DENND5B: variants seen among roughly 807,000 people sequenced by gnomAD.
DENND5B encodes the protein DENN domain containing 5B, also known as DENN domain-containing protein 5B.
Under a neutral mutation model 140.6 loss-of-function variants are expected in DENND5B, and 34 were observed. That is an observed-to-expected ratio of 0.24 (90% CI 0.18 to 0.32). DENND5B has a LOEUF of 0.32. Among genes scored for constraint, DENND5B ranks in the 10% least tolerant of loss-of-function variants. The probability of loss-of-function intolerance (pLI) is 1.00; values close to 1 mark genes in which losing one functional copy is unlikely to be tolerated. For synonymous variants in DENND5B, 551 were observed against 562.1 expected (o/e 0.98, Z 0.28); for missense variants, 1,142 against 1,560.2 (o/e 0.73, Z 4.52).
chr12:31,424,331 T>A (rs1044385944), intron 10 of DENND5B, among the ~76,000 whole-genome samples: 1 of 152,134 alleles, frequency 6.6e-6, no homozygotes, highest in Non-Finnish European at 1.5e-5. Context: ...TTTCATCCTT[T>A]CCCGCTTAGC....
At chr12:31,577,984 G>T (rs1487979967) in intron 1 of DENND5B, among the ~76,000 whole-genome samples, 1 of 151,810 alleles carries the variant, frequency 6.6e-6, no homozygotes, top group Non-Finnish European at 1.5e-5. Context: ...AATTAGCCAG[G>T]CGTGGTAGCA....
At chr12:31,528,970 GGC>G (rs1948182772) in intron 1 of DENND5B, among the ~76,000 whole-genome samples, 1 of 151,942 alleles carries the variant, frequency 6.6e-6, no homozygotes, top group African/African-American at 2.4e-5. Flanking sequence ...AGAGCAGCCT[GGC>G]CAACATGGTG....
chr12:31,483,671 C>G (rs1946168916), intron 2 of DENND5B, among the ~76,000 whole-genome samples: 1 of 151,918 alleles, frequency 6.6e-6, no homozygotes, highest in Non-Finnish European at 1.5e-5. Context: ...AACTCCTGAC[C>G]TCATGATCCG....
chr12:31,579,888 G>C (rs1950160757), intron 1 of DENND5B, among the ~76,000 whole-genome samples: 1 of 151,558 alleles, frequency 6.6e-6, no homozygotes, highest in Admixed American at 6.6e-5. Flanking sequence ...GACCTTACAT[G>C]GTGCCATCTT....
intron 3 of DENND5B, among the ~76,000 whole-genome samples, chr12:31,474,899 C>CT (rs1465990777): frequency 6.6e-6 from 1 of 152,130 alleles, no homozygotes; most frequent in East Asian, 1.9e-4. Flanking sequence ...CGCATGACAC[C>CT]TTTACAATAG....
At chr12:31,570,928 G>A (rs3803114) in intron 1 of DENND5B, among the ~76,000 whole-genome samples, 61,677 of 151,778 alleles carry the variant, frequency 0.41, 13,146 homozygotes, top group East Asian at 0.57. Flanking sequence ...CACAAACTGG[G>A]AATTTTAAAA....
intron 3 of DENND5B, among the ~76,000 whole-genome samples, chr12:31,468,497 T>C (rs940986460): frequency 4.6e-5 from 7 of 151,716 alleles, no homozygotes; most frequent in Non-Finnish European, 1.0e-4. Flanking sequence ...CCAATGAAAG[T>C]AAAATCTGGT....
At chr12:31,563,606 A>T (rs1949543984) in intron 1 of DENND5B, among the ~76,000 whole-genome samples, 1 of 152,238 alleles carries the variant, frequency 6.6e-6, no homozygotes, top group South Asian at 2.1e-4. Context: ...AATTTTCAGA[A>T]ACATTTTTGA....
rs778875491 is a variant in DENND5B, at chr12:31,409,388, G to C, written c.2682-4C>G. 2.0e-6 allele frequency: 3 copies of C among 1,513,760 alleles called. No individual in the cohort carries two copies. In the South Asian group the frequency reaches 3.6e-5, roughly 18 times the overall value. The allele number at this position is 1,513,760 out of a possible 1,614,324, so 93.8% of individuals were successfully genotyped here. ...AGCATATCGCTTATAAAGCTTCCTA[G>C]GAAAGGGTAAGACAAGCACAAGACA... On this transcript the variant is annotated splice_region_variant and splice_polypyrimidine_tract_variant and intron_variant, in intron 13 of 20. Transcript: ENST00000389082.
chr12:31,382,752 T>C lies in DENND5B; in HGVS notation c.*4851A>G, dbSNP rs900955751. Reference sequence around the variant, plus strand: ...TTCCTCTAGCTTGATGTGATATATCTCTGAAGTCAATCTTTATCTTGTCCT... The same window carrying C: ...TTCCTCTAGCTTGATGTGATATATCCCTGAAGTCAATCTTTATCTTGTCCT... On this transcript the variant is annotated 3_prime_UTR_variant, in exon 21 of 21. Coordinates refer to ENST00000389082, the MANE Select transcript of DENND5B (RefSeq NM_144973.4). The C allele has an allele frequency of 1.3e-5, 2 of 152,040 alleles. No individual in the cohort carries two copies. The allele number at this position is 152,040 out of a possible 1,614,324, so 9.4% of individuals were successfully genotyped here.
At chr12:31,537,257 C>CT (rs1230555260) in intron 1 of DENND5B, among the ~76,000 whole-genome samples, 10 of 152,038 alleles carry the variant, frequency 6.6e-5, no homozygotes, top group Non-Finnish European at 1.3e-4. Context: ...ACTACAACAA[C>CT]TTTTCAAGAC....
At chr12:31,563,252 A>G (rs1949534205) in intron 1 of DENND5B, among the ~76,000 whole-genome samples, 1 of 152,186 alleles carries the variant, frequency 6.6e-6, no homozygotes, top group African/African-American at 2.4e-5. Flanking sequence ...TTTATAACAC[A>G]AACAGCCCAC....
intron 2 of DENND5B, among the ~76,000 whole-genome samples, chr12:31,491,893 G>A (rs985991460): frequency 1.3e-5 from 2 of 152,170 alleles, no homozygotes; most frequent in African/African-American, 4.8e-5. Context: ...GTTGTTAGAG[G>A]AATGACTAAT....
At chr12:31,456,660 T>C (rs1045356625) in intron 4 of DENND5B, among the ~76,000 whole-genome samples, 2 of 152,188 alleles carry the variant, frequency 1.3e-5, no homozygotes, top group African/African-American at 2.4e-5. Flanking sequence ...CCTAAAACTG[T>C]AGGCCGGAGC....
intron 1 of DENND5B, among the ~76,000 whole-genome samples, chr12:31,583,062 G>A (rs949642585): frequency 6.6e-6 from 1 of 152,204 alleles, no homozygotes; most frequent in African/African-American, 2.4e-5. Context: ...GGGAGGCCAA[G>A]GTGGGTGGAT....
At chr12:31,497,949 G>A (rs1946844633) in intron 1 of DENND5B, among the ~76,000 whole-genome samples, 1 of 108,528 alleles carries the variant, frequency 9.2e-6, no homozygotes, top group East Asian at 3.0e-4. Context: ...GGGGCGGGGA[G>A]GAGAGGGGAG....
rs539676833 is a variant in DENND5B at position 31,411,028 on chromosome 12, G to A, written c.2682-1644C>T. ...TTCCTCTTTGTACTTTGGCCACTAT[G>A]AGCATAAATCACTTTTTTTTTTTTT... is the stretch of plus-strand genomic sequence containing the variant. On this transcript the variant is annotated intron_variant, in intron 13 of 20. Coordinates refer to ENST00000389082, the MANE Select transcript of DENND5B (RefSeq NM_144973.4). 2.0e-5 allele frequency among the ~76,000 whole-genome samples: 3 copies of A among 149,836 alleles called. No individual in the cohort carries two copies. The South Asian group carries it at 6.3e-4, about 32-fold the overall frequency.
In DENND5B at chr12:31,425,969, AG is replaced by A. The variant is rs549151332; in HGVS notation, c.2238+323del. On this transcript the variant is annotated intron_variant, in intron 9 of 20. Coordinates refer to ENST00000389082, the MANE Select transcript of DENND5B (RefSeq NM_144973.4). ...ACACAGGTGCATACACAGACACAAA[AG>A]TGTTGCCTTTCACATAAGATGACAA... is the stretch of plus-strand genomic sequence containing the variant. Among the ~76,000 whole-genome samples the A allele has an allele frequency of 5.6e-3, 854 of 152,326 alleles. 8 individuals carry two copies. Among genetic ancestry groups the A allele is most frequent in the Non-Finnish European group, 7.0e-3 (475 of 68,032 alleles).
chr12:31,566,255 G>A (rs938899980), intron 1 of DENND5B, among the ~76,000 whole-genome samples: 2 of 152,026 alleles, frequency 1.3e-5, no homozygotes, highest in Non-Finnish European at 2.9e-5. Context: ...AGGAGTTCGA[G>A]GCTATAGTGT....
Sources: allele counts gnomAD v4.1 joint callset (sites outside exome capture counted in the v4.1 genomes callset), GRCh38; gene constraint gnomAD v4.1.1; transcripts MANE v1.5; gene names NCBI Gene and HGNC (gene_info 2026-07-23, HGNC 2026-07-21).